The following TASOR2 variants were observed in gnomAD, a reference collection of about 807,000 sequenced individuals.
The protein encoded by TASOR2 is protein TASOR 2.
Under a neutral mutation model 199.5 loss-of-function variants are expected in TASOR2, and 84 were observed. The observed-to-expected ratio is 0.42, with a 90% CI of 0.35 to 0.50. The LOEUF (loss-of-function observed/expected upper bound fraction) is 0.50. TASOR2 is among the 20% of genes least tolerant of loss of function. TASOR2 has a pLI of 0.02. For synonymous variants in TASOR2, 1,103 were observed against 1,046.6 expected, an observed-to-expected ratio of 1.05 and a Z score of -1.04; for missense variants, 2,796 against 2,835.9, an observed-to-expected ratio of 0.99 and a Z score of 0.32.
rs1834655800 is a variant in TASOR2 at position 5,730,424 on chromosome 10, T to C, written c.488-63T>C. Reference sequence around the variant, plus strand: ...AATTTTGAAATCTAAAGCTTTTTTTTCCAGAATGTTTTGTTTTTAAAAAAT... The same window carrying C: ...AATTTTGAAATCTAAAGCTTTTTTTCCCAGAATGTTTTGTTTTTAAAAAAT... On this transcript the variant is annotated intron_variant, in intron 10 of 20. Coordinates refer to ENST00000328090, the Ensembl canonical transcript of TASOR2. This position sits in a 1 kb window ranked among gnomAD's most constrained non-coding sequence, Gnocchi z 4.1. 1.0e-5 allele frequency: 13 copies of C among 1,302,398 alleles called. No homozygotes were observed. Among genetic ancestry groups the C allele is most frequent in the East Asian group, 2.3e-5 (1 of 43,068 alleles). The allele number at this position is 1,302,398 out of a possible 1,614,324, so 80.7% of individuals were successfully genotyped here.
chr10:5,728,829 AG>A (rs1361288456), intron 10 of TASOR2, among the ~76,000 whole-genome samples: 1 of 152,202 alleles, frequency 6.6e-6, no homozygotes, highest in Non-Finnish European at 1.5e-5. Flanking sequence ...ACGATTTCAA[AG>A]ATGAAGAAAC....
chr10:5,725,773 C>T (rs112373491), intron 8 of TASOR2, among the ~76,000 whole-genome samples: 1,708 of 152,158 alleles, frequency 0.011, 33 homozygotes, highest in African/African-American at 0.038. Flanking sequence ...AGAGTGATAC[C>T]CTGTCTCTTA....
chr10:5,723,300 C>T (rs1250902222), intron 6 of TASOR2, among the ~76,000 whole-genome samples: 3 of 151,954 alleles, frequency 2.0e-5, no homozygotes, highest in African/African-American at 7.2e-5. Context: ...TCTGATCCAC[C>T]CGCCTCAGCC....
At chr10:5,724,803 C>G (rs1833840033) in intron 8 of TASOR2, among the ~76,000 whole-genome samples, 1 of 151,606 alleles carries the variant, frequency 6.6e-6, no homozygotes, top group African/African-American at 2.4e-5. Context: ...ATGCCTGAAA[C>G]TGTGGATAGT....
intron 11 of TASOR2, 107 bp downstream of exon 12, chr10:5,731,310 C>A: frequency 9.6e-7 from 1 of 1,036,878 alleles, no homozygotes; most frequent in Non-Finnish European, 1.4e-6. Context: ...GGGTGGATCA[C>A]CTAAGGTCAG....
chr10:5,741,233 T>C (rs146679604), intron 13 of TASOR2, among the ~76,000 whole-genome samples: 1 of 152,360 alleles, frequency 6.6e-6, no homozygotes, highest in East Asian at 1.9e-4. Flanking sequence ...GGCCAACATT[T>C]AATTATGTAG....
rs200317233 is a variant in TASOR2 at position 5,763,005 on chromosome 10, T to G, written c.7290-24T>G. On this transcript the variant is annotated intron_variant, in intron 20 of 20. Coordinates refer to ENST00000328090, the Ensembl canonical transcript of TASOR2. ...TTGTTCGTATTATTTTAAGAAGTTC[T>G]TTATCAATTTTGTGTTTCTTCAGGT... 14 of 1,609,146 alleles carry G rather than the reference T, an allele frequency of 8.7e-6. No homozygotes were observed. The African/African-American group carries it at 1.3e-4, about 15-fold the overall frequency.
In TASOR2 at chr10:5,722,151, T is replaced by C. The variant is rs187735163; in HGVS notation, c.146+1181T>C. On this transcript the variant is annotated intron_variant, in intron 6 of 20. Transcript: ENST00000328090. The surrounding 1 kb of genome is among the most constrained non-coding windows in gnomAD (Gnocchi z 4.0). The stretch of plus-strand genomic sequence containing the variant: ...GTTGATTTTGCTTATTGCTTTGGGG[T>C]TGTATAAGAAAATTTGCTAGGGGCC... 2.0e-5 allele frequency among the ~76,000 whole-genome samples: 3 copies of C among 151,956 alleles called. No homozygotes were observed. The highest frequency in any genetic ancestry group is 7.3e-5 in the African/African-American group (3 of 41,370).
chr10:5,732,911 C>T (rs1451698265), intron 11 of TASOR2, among the ~76,000 whole-genome samples: 1 of 152,026 alleles, frequency 6.6e-6, no homozygotes, highest in Non-Finnish European at 1.5e-5. Context: ...TGGAGATGTG[C>T]GTACTTAGGA....
exon 15 of TASOR2, chr10:5,746,534 A>ATTT: frequency 6.2e-7 from 1 of 1,614,222 alleles, no homozygotes. Context: ...TTGGAAAGAA[A>ATTT]GGATGATAAT....
chr10:5,686,998 A>G (rs1451963690), intron 1 of TASOR2, among the ~76,000 whole-genome samples: 1 of 152,168 alleles, frequency 6.6e-6, no homozygotes, highest in African/African-American at 2.4e-5. Context: ...ATTGTTTGTG[A>G]TGGTGTTGAA....
intron 12 of TASOR2, among the ~76,000 whole-genome samples, chr10:5,739,366 C>G (rs1233990873): frequency 6.6e-6 from 1 of 152,102 alleles, no homozygotes; most frequent in Non-Finnish European, 1.5e-5. Flanking sequence ...ACTTGTCCCT[C>G]TGGTTTAACA....
intron 7 of TASOR2, among the ~76,000 whole-genome samples, chr10:5,724,116 CAAAGAA>C (rs1488307708): frequency 6.6e-6 from 1 of 152,100 alleles, no homozygotes; most frequent in Admixed American, 6.5e-5. Context: ...CTTTTAAACT[CAAAGAA>C]AAACCATGAG....
intron 1 of TASOR2, among the ~76,000 whole-genome samples, chr10:5,708,628 CT>C (rs769381492): frequency 0.069 from 1,514 of 22,096 alleles, 77 homozygotes; most frequent in South Asian, 0.14. Context: ...CCCTCCCTCC[CT>C]TCCTCCCTTC....
At position 5,699,803 on chromosome 10, in the gene TASOR2, A is replaced by G. The variant is rs1167185308; in HGVS notation, c.-287-13020A>G. On this transcript the variant is annotated intron_variant, in intron 1 of 20. Transcript: ENST00000328090. This position sits in a 1 kb window ranked among gnomAD's most constrained non-coding sequence, Gnocchi z 4.1. ...AAAACAAAAGATAGACAGGAGAAAA[A>G]TGAGTAAAACAGGTACACATTTATT... 1.7e-5 allele frequency: 15 copies of G among 877,952 alleles called. No homozygotes were observed. The highest frequency in any genetic ancestry group is 6.2e-5 in the Admixed American group (1 of 16,134). The allele number at this position is 877,952 out of a possible 1,614,324, so 54.4% of individuals were successfully genotyped here.
chr10:5,749,262 C>T (rs371963179), exon 15 of TASOR2: 2 of 1,614,096 alleles, frequency 1.2e-6, no homozygotes, highest in African/African-American at 2.7e-5. Context: ...TGAGGAGGCA[C>T]CCGAGTTTCA....
At position 5,748,584 on chromosome 10, in the gene TASOR2, T is replaced by A; in HGVS notation, c.5163T>A (p.Ser1721=). 6.2e-7 allele frequency: 1 copy of A among 1,613,740 alleles called. No individual in the cohort carries two copies. The highest frequency in any genetic ancestry group is 8.5e-7 in the Non-Finnish European group (1 of 1,180,030). The change falls in exon 15 of 21, where the codon TCT becomes TCA. Residue 1721 remains serine, a synonymous_variant. Coordinates refer to ENST00000328090, the Ensembl canonical transcript of TASOR2. The surrounding 1 kb of genome is among the most constrained non-coding windows in gnomAD (Gnocchi z 5.1). ...CTGGCCCTCAGTCCAACACCACATC[T>A]TCTCTAAAAGGTGAACGCAAAGCCA... is the stretch of plus-strand genomic sequence containing the variant.
chr10:5,689,477 G>A lies in TASOR2; in HGVS notation c.-288+4302G>A, dbSNP rs779981889. ...TATCCCGGCATGGGGGTGCGCGCCT[G>A]TAGTCCCAGCTACTCGGGAGGCTGA... is the stretch of plus-strand genomic sequence containing the variant. On this transcript the variant is annotated intron_variant, in intron 1 of 20. Transcript: ENST00000328090. This position sits in a 1 kb window ranked among gnomAD's most constrained non-coding sequence, Gnocchi z 4.1. 3.3e-5 allele frequency among the ~76,000 whole-genome samples: 5 copies of A among 152,164 alleles called. No homozygotes were observed. The highest frequency in any genetic ancestry group is 6.5e-5 in the Admixed American group (1 of 15,274).
In TASOR2 at chr10:5,747,758, T is replaced by G; in HGVS notation, c.4337T>G (p.Leu1446Ter). The change falls in exon 15 of 21, where the codon TTA (leucine) becomes TGA (stop). Residue 1446 changes from leucine to a stop codon, truncating the protein, a stop_gained. Coordinates refer to ENST00000328090, the Ensembl canonical transcript of TASOR2. LOFTEE classifies it high-confidence loss of function. Reference sequence around the variant, plus strand: ...ATCTCCCAATGTGAGTCAGAAGACTTAGGCATAACAGAAAAAGAAAATGTT... The same window carrying G: ...ATCTCCCAATGTGAGTCAGAAGACTGAGGCATAACAGAAAAAGAAAATGTT... The G allele has an allele frequency of 6.2e-7, 1 of 1,614,154 alleles. No individual in the cohort carries two copies. Among genetic ancestry groups the G allele is most frequent in the Non-Finnish European group, 8.5e-7 (1 of 1,180,034 alleles).
Sources: allele counts gnomAD v4.1 joint callset (sites outside exome capture counted in the v4.1 genomes callset), GRCh38; gene constraint gnomAD v4.1.1; non-coding constraint Gnocchi (gnomAD v3.1); transcripts MANE v1.5; gene names NCBI Gene and HGNC (gene_info 2026-07-23, HGNC 2026-07-21).